Variants in ST3GAL2 observed in about 807,000 individuals in gnomAD.
ST3GAL2 encodes the protein ST3 beta-galactoside alpha-2,3-sialyltransferase 2.
A neutral mutation model predicts 37.5 loss-of-function variants in ST3GAL2; 16 were observed. That is an observed-to-expected ratio of 0.43 (90% CI 0.29 to 0.65). The LOEUF is 0.65. Among genes scored for constraint, ST3GAL2 ranks in the 30% least tolerant of loss-of-function variants. ST3GAL2 has a pLI of 0.17. For missense variants in ST3GAL2, 383 were observed against 487.8 expected (o/e 0.79, Z 2.02); for synonymous variants, 238 against 202.9 (o/e 1.17, Z -1.47).
chr16:70,414,026 G>C (rs1364524125), intron 1 of ST3GAL2, among the ~76,000 whole-genome samples: 1 of 152,124 alleles, frequency 6.6e-6, no homozygotes, highest in Non-Finnish European at 1.5e-5. Context: ...AGTGTGGTGG[G>C]GGGTAGAAAA....
In ST3GAL2 at chr16:70,381,869, G is replaced by A. The variant is rs1360644524; in HGVS notation, c.880-7C>T. 1.9e-6 allele frequency: 3 copies of A among 1,612,916 alleles called. No individual in the cohort carries two copies. Among genetic ancestry groups the A allele is most frequent in the African/African-American group, 1.3e-5 (1 of 75,034 alleles). ...CGAACCCGTACACGTTCACCTGCGG[G>A]GAAGCGCAGCGGAGCGTCACCCCAG... On this transcript the variant is annotated splice_region_variant and splice_polypyrimidine_tract_variant and intron_variant, in intron 6 of 6. Coordinates refer to ENST00000342907, the MANE Select transcript of ST3GAL2 (RefSeq NM_006927.4).
At chr16:70,383,353 C>A in intron 4 of ST3GAL2, 118 bp from the exon 5 acceptor site, 1 of 880,202 alleles carries the variant, frequency 1.1e-6, no homozygotes, top group Non-Finnish European at 1.6e-6. Flanking sequence ...GAGTTCGAGG[C>A]CAGCCGGATC....
At chr16:70,382,116 G>C (rs1158422511) in intron 6 of ST3GAL2, among the ~76,000 whole-genome samples, 3 of 149,370 alleles carry the variant, frequency 2.0e-5, no homozygotes, top group African/African-American at 7.5e-5. Context: ...CACTTGCCGG[G>C]CCTCAGCCCT....
intron 1 of ST3GAL2, 149 bp from the exon 2 acceptor site, chr16:70,399,682 C>G (rs1414412092): frequency 1.1e-5 from 4 of 373,114 alleles, no homozygotes; most frequent in Admixed American, 4.6e-5. Context: ...TGCCCTCTAG[C>G]TGCACAGATA....
At chr16:70,412,841 G>A (rs1473725774) in intron 1 of ST3GAL2, among the ~76,000 whole-genome samples, 2 of 151,968 alleles carry the variant, frequency 1.3e-5, no homozygotes, top group Admixed American at 6.6e-5. Flanking sequence ...GAGCTCAGGA[G>A]TTCGAGACCA....
chr16:70,391,557 T>G (rs16970147), intron 3 of ST3GAL2, among the ~76,000 whole-genome samples: 10,785 of 152,252 alleles, frequency 0.071, 1,292 homozygotes, highest in African/African-American at 0.25. Flanking sequence ...ATGGTCACAC[T>G]GACACAGTCT....
At chr16:70,419,324 TC>T (rs1404402693) in intron 1 of ST3GAL2, among the ~76,000 whole-genome samples, 1 of 151,984 alleles carries the variant, frequency 6.6e-6, no homozygotes, top group East Asian at 1.9e-4. Context: ...CCACCATCTA[TC>T]CCCAGATCCT....
In ST3GAL2 at chr16:70,381,747, G is replaced by T. The variant is rs2047407338; in HGVS notation, c.995C>A (p.Ala332Asp). The T allele has an allele frequency of 6.2e-7, 1 of 1,613,978 alleles. No homozygotes were observed. Among genetic ancestry groups the T allele is most frequent in the South Asian group, 1.1e-5 (1 of 91,092 alleles). ...CTTGGCCAGCATGTCGATGATGTGG[G>T]CCTCGAAGTCCGCGTCGTGCACGCC... ...KTGVHDADFE[A>D]HIIDMLAKAS... The change falls in exon 7 of 7, where the codon GCC becomes GAC. Residue 332 changes from alanine (A) to aspartate (D), a missense_variant. Physicochemically the swap from Ala to Asp is moderately radical, Grantham distance 126 (BLOSUM62 -2). Around this residue, in one of 2 missense-constraint regions of ST3GAL2, gnomAD observed 160 missense variants for 248.6 expected, o/e 0.64. Transcript: ENST00000342907.
At chr16:70,437,771 C>T (rs2047835922) in intron 1 of ST3GAL2, among the ~76,000 whole-genome samples, 1 of 152,152 alleles carries the variant, frequency 6.6e-6, no homozygotes, top group African/African-American at 2.4e-5. Flanking sequence ...CCTCTTATGC[C>T]ACCATCTCTC....
intron 1 of ST3GAL2, among the ~76,000 whole-genome samples, chr16:70,430,142 T>C (rs1306941554): frequency 6.6e-6 from 1 of 152,204 alleles, no homozygotes. Flanking sequence ...GCCTCTGGGC[T>C]GCCAACAGAG....
chr16:70,412,598 T>TAC (rs2151670505), intron 1 of ST3GAL2, among the ~76,000 whole-genome samples: 1 of 152,320 alleles, frequency 6.6e-6, no homozygotes, highest in Non-Finnish European at 1.5e-5. Flanking sequence ...GAACCGTGAT[T>TAC]ACGCCACTGC....
chr16:70,386,099 T>A (rs1213814200), intron 4 of ST3GAL2, among the ~76,000 whole-genome samples: 1 of 152,014 alleles, frequency 6.6e-6, no homozygotes, highest in Non-Finnish European at 1.5e-5. Context: ...CGTCTCACTG[T>A]AACCTCTGCC....
In ST3GAL2 at chr16:70,383,170, G is replaced by T; in HGVS notation, c.759+20C>A. ...GCCAGCACTGTTTCCACTGAGGTGG[G>T]GAAGAAGTGGGGAGCTTACCTTTTC... On this transcript the variant is annotated intron_variant, in intron 5 of 6. Coordinates refer to ENST00000342907, the MANE Select transcript of ST3GAL2 (RefSeq NM_006927.4). 1 of 1,612,754 alleles carries T rather than the reference G, an allele frequency of 6.2e-7. No homozygotes were observed. Among genetic ancestry groups the T allele is most frequent in the Non-Finnish European group, 8.5e-7 (1 of 1,179,638 alleles).
chr16:70,417,705 C>T (rs550872639), intron 1 of ST3GAL2, among the ~76,000 whole-genome samples: 82 of 152,176 alleles, frequency 5.4e-4, no homozygotes, highest in Non-Finnish European at 9.7e-4. Context: ...GGGGATGAAC[C>T]CAAGTCTCCA....
chr16:70,415,387 C>A (rs1305274279), intron 1 of ST3GAL2, among the ~76,000 whole-genome samples: 1 of 152,194 alleles, frequency 6.6e-6, no homozygotes, highest in African/African-American at 2.4e-5. Flanking sequence ...CCGGGCGGCA[C>A]GGGGAAGGTC....
At chr16:70,414,939 T>G (rs2047665273) in intron 1 of ST3GAL2, among the ~76,000 whole-genome samples, 1 of 152,154 alleles carries the variant, frequency 6.6e-6, no homozygotes, top group Non-Finnish European at 1.5e-5. Flanking sequence ...AGTGGCACGA[T>G]CTCGGCTCAC....
At chr16:70,436,761 A>T (rs1478006658) in intron 1 of ST3GAL2, among the ~76,000 whole-genome samples, 1 of 152,146 alleles carries the variant, frequency 6.6e-6, no homozygotes, top group African/African-American at 2.4e-5. Context: ...GGTGCTAAGG[A>T]CCAAGCCAGG....
intron 4 of ST3GAL2, among the ~76,000 whole-genome samples, chr16:70,385,885 T>C (rs1391824555): frequency 2.0e-5 from 3 of 151,798 alleles, no homozygotes; most frequent in East Asian, 3.9e-4. Flanking sequence ...TTTTGTATTT[T>C]TTGCAGAGAC....
At chr16:70,395,309 G>A (rs1054059989) in intron 2 of ST3GAL2, 134 bp from the exon 3 acceptor site, 5 of 808,724 alleles carry the variant, frequency 6.2e-6, no homozygotes, top group Non-Finnish European at 9.4e-6. Flanking sequence ...GCTCTGCCAG[G>A]GAACAGGGGT....
Sources: allele counts gnomAD v4.1 joint callset (sites outside exome capture counted in the v4.1 genomes callset), GRCh38; gene constraint gnomAD v4.1.1; regional missense constraint gnomAD v4.1.1; transcripts MANE v1.5; gene names NCBI Gene and HGNC (gene_info 2026-07-23, HGNC 2026-07-21).